CNTN5: variants seen among roughly 807,000 people sequenced by gnomAD.
The protein encoded by CNTN5 is contactin 5, also known as contactin-5.
CNTN5 carries 77 observed loss-of-function variants against 129.1 expected under a neutral mutation model. That is an observed-to-expected ratio of 0.60 (90% CI 0.50 to 0.72). The LOEUF is 0.72. Among genes scored for constraint, CNTN5 ranks in the 30% least tolerant of loss-of-function variants. CNTN5 has a pLI of 0.00. For synonymous variants in CNTN5, 509 were observed against 465.6 expected (o/e 1.09, Z -1.20); for missense variants, 1,478 against 1,328.8 (o/e 1.11, Z -1.75).
chr11:99,853,886 G>C (rs1248044317), intron 6 of CNTN5, among the ~76,000 whole-genome samples: 1 of 151,924 alleles, frequency 6.6e-6, no homozygotes, highest in South Asian at 2.1e-4. Flanking sequence ...CAGCCACACA[G>C]CTAGTAAGTA....
intron 1 of CNTN5, among the ~76,000 whole-genome samples, chr11:99,135,414 G>A (rs1859167328): frequency 6.6e-6 from 1 of 152,146 alleles, no homozygotes; most frequent in African/African-American, 2.4e-5. Context: ...GGGCATTCCA[G>A]TCAGAAGAAA....
chr11:99,339,923 T>A (rs1242662623), intron 2 of CNTN5, among the ~76,000 whole-genome samples: 2 of 150,864 alleles, frequency 1.3e-5, no homozygotes, highest in East Asian at 2.0e-4. Flanking sequence ...AAAAAAAAAA[T>A]ACATCAGTGT....
intron 9 of CNTN5, among the ~76,000 whole-genome samples, chr11:100,055,931 T>C (rs920777456): frequency 1.1e-4 from 16 of 151,558 alleles, no homozygotes; most frequent in Non-Finnish European, 8.9e-5. Context: ...AGCTTTATAC[T>C]ACATGTCTAC....
chr11:99,826,069 G>A (rs577386198), intron 4 of CNTN5, among the ~76,000 whole-genome samples: 9 of 152,016 alleles, frequency 5.9e-5, no homozygotes, highest in South Asian at 4.1e-4. Context: ...TTGGAGTATC[G>A]TAAGCATATT....
intron 9 of CNTN5, among the ~76,000 whole-genome samples, chr11:100,023,423 C>A (rs1440986093): frequency 6.6e-6 from 1 of 151,972 alleles, no homozygotes; most frequent in Admixed American, 6.6e-5. Context: ...TCCTGTCTGC[C>A]CCTACACATT....
At chr11:99,630,482 G>A (rs1020775500) in intron 3 of CNTN5, among the ~76,000 whole-genome samples, 1 of 151,842 alleles carries the variant, frequency 6.6e-6, no homozygotes, top group Non-Finnish European at 1.5e-5. Context: ...GATTACATTA[G>A]CTGTCTTTCA....
At chr11:99,817,272 G>T (rs540259757) in intron 3 of CNTN5, among the ~76,000 whole-genome samples, 1 of 152,130 alleles carries the variant, frequency 6.6e-6, no homozygotes, top group Admixed American at 6.5e-5. Flanking sequence ...ACAGCTTTGC[G>T]TTCACATTAA....
At chr11:99,992,343 A>T (rs779371243) in intron 8 of CNTN5, among the ~76,000 whole-genome samples, 2 of 152,232 alleles carry the variant, frequency 1.3e-5, no homozygotes, top group Non-Finnish European at 2.9e-5. Flanking sequence ...GAGTACCAGC[A>T]CATACAGGTT....
chr11:99,203,181 G>A (rs1288545558), intron 1 of CNTN5, among the ~76,000 whole-genome samples: 1 of 152,108 alleles, frequency 6.6e-6, no homozygotes, highest in Non-Finnish European at 1.5e-5. Context: ...TATTTTTGCA[G>A]TCTTTCTGGT....
intron 2 of CNTN5, among the ~76,000 whole-genome samples, chr11:99,554,415 G>C (rs756042654): frequency 1.3e-5 from 2 of 152,052 alleles, no homozygotes; most frequent in African/African-American, 2.4e-5. Context: ...ATGAGTCAAT[G>C]CTCCTTTTGA....
At chr11:99,132,064 T>A (rs749214814) in intron 1 of CNTN5, among the ~76,000 whole-genome samples, 1 of 152,178 alleles carries the variant, frequency 6.6e-6, no homozygotes, top group South Asian at 2.1e-4. Flanking sequence ...ATCAAGTCAG[T>A]GTCATCCCCA....
intron 8 of CNTN5, among the ~76,000 whole-genome samples, chr11:99,960,336 A>G (rs1160240876): frequency 6.7e-6 from 1 of 150,316 alleles, no homozygotes; most frequent in Admixed American, 6.6e-5. Flanking sequence ...TTTTTCCTTC[A>G]TCTTTCCTAA....
intron 1 of CNTN5, among the ~76,000 whole-genome samples, chr11:99,257,619 A>G (rs991676612): frequency 8.6e-5 from 13 of 152,020 alleles, no homozygotes; most frequent in African/African-American, 3.1e-4. Context: ...TTTGGATTCT[A>G]TCTTAGCAAG....
chr11:99,592,544 G>C (rs1051507964), intron 3 of CNTN5, among the ~76,000 whole-genome samples: 3 of 152,040 alleles, frequency 2.0e-5, no homozygotes, highest in African/African-American at 7.2e-5. Context: ...GCTGGAGTTG[G>C]GGAAGTGAAA....
At chr11:100,324,904 A>G (rs1052658386) in intron 21 of CNTN5, among the ~76,000 whole-genome samples, 1 of 152,184 alleles carries the variant, frequency 6.6e-6, no homozygotes, top group Non-Finnish European at 1.5e-5. Flanking sequence ...ATTAAATTGC[A>G]TCCTTTATGG....
intron 1 of CNTN5, among the ~76,000 whole-genome samples, chr11:99,177,225 T>C (rs565199481): frequency 6.6e-6 from 1 of 152,280 alleles, no homozygotes; most frequent in Non-Finnish European, 1.5e-5. Context: ...ATACTTCTGG[T>C]CCCTTCCTTG....
At chr11:99,488,414 G>A (rs1199649578) in intron 2 of CNTN5, among the ~76,000 whole-genome samples, 1 of 151,950 alleles carries the variant, frequency 6.6e-6, no homozygotes, top group South Asian at 2.1e-4. Context: ...CTCGTGATCT[G>A]CCTGTCTTGG....
intron 3 of CNTN5, among the ~76,000 whole-genome samples, chr11:99,558,529 C>T (rs180964893): frequency 1.6e-3 from 236 of 152,010 alleles, no homozygotes; most frequent in Middle Eastern, 6.8e-3. Context: ...TATAATAATA[C>T]TGTAAAGTTT....
intron 2 of CNTN5, among the ~76,000 whole-genome samples, chr11:99,429,307 A>T (rs1325691238): frequency 6.6e-6 from 1 of 152,192 alleles, no homozygotes; most frequent in Non-Finnish European, 1.5e-5. Context: ...TATATATGAC[A>T]CATAAATACA....
Sources: allele counts gnomAD v4.1 joint callset (sites outside exome capture counted in the v4.1 genomes callset), GRCh38; gene constraint gnomAD v4.1.1; transcripts MANE v1.5; gene names NCBI Gene and HGNC (gene_info 2026-07-23, HGNC 2026-07-21).